Variants in PRDM16 observed in about 807,000 individuals in gnomAD.
The protein encoded by PRDM16 is PR/SET domain 16.
Under a neutral mutation model 110.6 loss-of-function variants are expected in PRDM16, and 23 were observed. The ratio of observed to expected loss-of-function variants is 0.21; its 90% CI spans 0.15 to 0.29. The LOEUF (loss-of-function observed/expected upper bound fraction) is 0.29, where lower values mean the gene tolerates loss of function less well. Among genes scored for constraint, PRDM16 ranks in the 10% least tolerant of loss-of-function variants. The pLI, the probability that PRDM16 is intolerant of heterozygous loss-of-function variation, is 1.00. For synonymous variants in PRDM16, 799 were observed against 781.8 expected (o/e 1.02, Z -0.37); for missense variants, 1,615 against 1,794.3 (o/e 0.90, Z 1.81).
rs946104822 is a variant in PRDM16, at chr1:3,333,460, C to T, written c.439-51692C>T. On this transcript the variant is annotated intron_variant, in intron 3 of 16. Transcript: ENST00000270722. ...GGAGTCTGGAAACCGGACTCCAAAA[C>T]GTGCCCTAGCTTTCCAGCTCATGTG... Among the ~76,000 whole-genome samples the T allele has an allele frequency of 3.9e-5, 6 of 152,208 alleles. 1 individual carries two copies. The highest frequency in any genetic ancestry group is 5.9e-5 in the Non-Finnish European group (4 of 68,030).
chr1:3,109,079 C>T (rs1642728016), intron 1 of PRDM16, among the ~76,000 whole-genome samples: 1 of 105,634 alleles, frequency 9.5e-6, no homozygotes, highest in South Asian at 4.3e-4. Flanking sequence ...AAGACTCCAT[C>T]TCAAAATAAT....
In PRDM16 at chr1:3,388,548, A is replaced by G. The variant is rs116166023; in HGVS notation, c.573+3262A>G. On this transcript the variant is annotated intron_variant, in intron 4 of 16. Transcript: ENST00000270722. Reference sequence around the variant, plus strand: ...AGGAGACTAGGGCAGAAGACAGTGTAAACGTCCTAAAAAGAAAGTTCTGGA... The same window carrying G: ...AGGAGACTAGGGCAGAAGACAGTGTGAACGTCCTAAAAAGAAAGTTCTGGA... Among the ~76,000 whole-genome samples the G allele has an allele frequency of 8.7e-3, 1,327 of 152,340 alleles. 15 individuals carry two copies. Among genetic ancestry groups the G allele is most frequent in the African/African-American group, 0.03 (1,242 of 41,568 alleles).
At chr1:3,092,473 A>G (rs548222383) in intron 1 of PRDM16, among the ~76,000 whole-genome samples, 1 of 151,558 alleles carries the variant, frequency 6.6e-6, no homozygotes, top group African/African-American at 2.4e-5. Context: ...GGATCGGGGC[A>G]TTGTGACCAT....
At chr1:3,292,966 C>T (rs753356282) in intron 3 of PRDM16, among the ~76,000 whole-genome samples, 16 of 152,272 alleles carry the variant, frequency 1.1e-4, no homozygotes, top group African/African-American at 3.1e-4. Context: ...GGAGGCACTC[C>T]GCTCCGGGCA....
chr1:3,376,351 C>T (rs948276907), intron 3 of PRDM16, among the ~76,000 whole-genome samples: 1 of 152,208 alleles, frequency 6.6e-6, no homozygotes, highest in Non-Finnish European at 1.5e-5. Flanking sequence ...AAAAGCAGAG[C>T]CCCCCAGGCG....
At chr1:3,314,816 A>G (rs891049432) in intron 3 of PRDM16, among the ~76,000 whole-genome samples, 1 of 152,180 alleles carries the variant, frequency 6.6e-6, no homozygotes, top group African/African-American at 2.4e-5. Flanking sequence ...GCAGTCTGGC[A>G]GACAGATGGG....
At chr1:3,310,252 G>A (rs996695087) in intron 3 of PRDM16, among the ~76,000 whole-genome samples, 16 of 152,110 alleles carry the variant, frequency 1.1e-4, no homozygotes, top group African/African-American at 3.4e-4. Context: ...ACACCTGCCC[G>A]GCACACTCTG....
chr1:3,218,122 C>A lies in PRDM16; in HGVS notation c.388-25965C>A, dbSNP rs74048321. The stretch of plus-strand genomic sequence containing the variant: ...TCGTGGCCAAGTGAAGAAGAGTCGC[C>A]TGCACTTACAAAGGGCCTCTGCAGC... On this transcript the variant is annotated intron_variant, in intron 2 of 16. Coordinates refer to ENST00000270722, the MANE Select transcript of PRDM16 (RefSeq NM_022114.4). 7.1e-3 allele frequency among the ~76,000 whole-genome samples: 1,087 copies of A among 152,362 alleles called. 12 individuals are homozygous for A. Among genetic ancestry groups the A allele is most frequent in the African/African-American group, 0.025 (1,037 of 41,586 alleles).
chr1:3,390,788 AC>A lies in PRDM16; in HGVS notation c.573+5506del, dbSNP rs1643285478. On this transcript the variant is annotated intron_variant, in intron 4 of 16. Transcript: ENST00000270722. This position sits in a 1 kb window ranked among gnomAD's most constrained non-coding sequence, Gnocchi z 5.0. ...ACACCCATCATCTTGTTCTGCCCCG[AC>A]CCCAGACATGTTCATATTCCCTTTG... is the stretch of plus-strand genomic sequence containing the variant. 6.9e-6 allele frequency among the ~76,000 whole-genome samples: 1 copy of A among 145,064 alleles called. No homozygotes were observed. The highest frequency in any genetic ancestry group is 6.9e-5 in the Admixed American group (1 of 14,566).
At chr1:3,253,964 G>A (rs2100228269) in intron 3 of PRDM16, among the ~76,000 whole-genome samples, 1 of 152,262 alleles carries the variant, frequency 6.6e-6, no homozygotes, top group African/African-American at 2.4e-5. Flanking sequence ...GGCTGGTGAT[G>A]GTGCGCATTT....
chr1:3,405,744 C>A lies in PRDM16; in HGVS notation c.1186+96C>A. Reference sequence around the variant, plus strand: ...GCCATCCCCCAAGGTCTCCCCCGATCCGAGGGGCCCCAGTTTGTTCATAAA... The same window carrying A: ...GCCATCCCCCAAGGTCTCCCCCGATACGAGGGGCCCCAGTTTGTTCATAAA... On this transcript the variant is annotated intron_variant, in intron 8 of 16. Coordinates refer to ENST00000270722, the MANE Select transcript of PRDM16 (RefSeq NM_022114.4). The A allele has an allele frequency of 2.3e-6, 3 of 1,295,048 alleles. No homozygotes were observed. The South Asian group carries it at 4.7e-5, about 20-fold the overall frequency. The allele number at this position is 1,295,048 out of a possible 1,614,324, so 80.2% of individuals were successfully genotyped here. A position where few individuals can be genotyped will look rare whatever the true frequency, so the allele number is the denominator to read the frequency against.
At chr1:3,129,039 G>A (rs1388626170) in intron 1 of PRDM16, among the ~76,000 whole-genome samples, 1 of 152,222 alleles carries the variant, frequency 6.6e-6, no homozygotes. Context: ...AACCAGGAGG[G>A]AGTCTGGTGC....
chr1:3,081,811 G>A lies in PRDM16; in HGVS notation c.37+12515G>A, dbSNP rs1642036204. On this transcript the variant is annotated intron_variant, in intron 1 of 16. Transcript: ENST00000270722. This position sits in a 1 kb window ranked among gnomAD's most constrained non-coding sequence, Gnocchi z 4.6. ...TTCCATGGGCAGCAGGGCAGCAAGG[G>A]AGACCACCTCCTTGCTGCCCTGACT... 6.6e-6 allele frequency among the ~76,000 whole-genome samples: 1 copy of A among 151,954 alleles called. No homozygotes were observed. The highest frequency in any genetic ancestry group is 2.1e-4 in the South Asian group (1 of 4,824).
intron 12 of PRDM16, 141 bp downstream of exon 12, chr1:3,418,885 T>G (rs1638349156): frequency 1.5e-6 from 1 of 678,196 alleles, no homozygotes; most frequent in African/African-American, 1.8e-5. Flanking sequence ...TGCTGAATTC[T>G]GGTCACTCTG....
intron 3 of PRDM16, among the ~76,000 whole-genome samples, chr1:3,380,958 C>G (rs181020009): frequency 6.6e-6 from 1 of 152,170 alleles, no homozygotes; most frequent in Non-Finnish European, 1.5e-5. Flanking sequence ...CATCAGTGGC[C>G]GGATCACAGG....
At chr1:3,226,495 C>A (rs1035864509) in intron 2 of PRDM16, among the ~76,000 whole-genome samples, 1 of 152,140 alleles carries the variant, frequency 6.6e-6, no homozygotes, top group Non-Finnish European at 1.5e-5. Flanking sequence ...GCAAAGGCGG[C>A]CCTAAAACAT....
intron 1 of PRDM16, among the ~76,000 whole-genome samples, chr1:3,151,664 C>T (rs532656925): frequency 1.9e-4 from 29 of 152,362 alleles, no homozygotes; most frequent in African/African-American, 5.8e-4. Flanking sequence ...TCTGGGAGGC[C>T]GCCCACAGCA....
Position 3,358,130 on chromosome 1 carries a change from C to T in PRDM16, c.439-27022C>T, listed in dbSNP as rs186747056. Among the ~76,000 whole-genome samples the T allele has an allele frequency of 3.5e-3, 531 of 152,346 alleles. 2 individuals carry two copies. The highest frequency in any genetic ancestry group is 4.2e-3 in the Admixed American group (64 of 15,312). ...TCCCGGAACCACACAGTGGGCCTGG[C>T]CATGACCCCCTTGCCCAGGGCAACG... is the stretch of plus-strand genomic sequence containing the variant. On this transcript the variant is annotated intron_variant, in intron 3 of 16. Transcript: ENST00000270722. This position sits in a 1 kb window ranked among gnomAD's most constrained non-coding sequence, Gnocchi z 4.0.
intron 1 of PRDM16, among the ~76,000 whole-genome samples, chr1:3,105,847 C>T (rs1032905786): frequency 7.9e-5 from 12 of 151,168 alleles, no homozygotes; most frequent in Admixed American, 4.0e-4. Context: ...AGGAAACAGG[C>T]GAGAGGCCAG....
Sources: gnomAD v4.1 joint callset for allele counts (sites outside exome capture counted in the v4.1 genomes callset) on GRCh38, gnomAD v4.1.1 for gene constraint, Gnocchi (gnomAD v3.1) non-coding constraint, MANE v1.5 for transcripts, NCBI Gene and HGNC (gene_info 2026-07-23, HGNC 2026-07-21) for gene names.